Variants in DHRS11 observed in about 807,000 individuals in gnomAD.
The protein encoded by DHRS11 is dehydrogenase/reductase 11, also known as dehydrogenase/reductase SDR family member 11.
In DHRS11, 18 loss-of-function variants were observed where a neutral mutation model predicts 30.7. That is an observed-to-expected ratio of 0.59 (90% CI 0.41 to 0.87). The LOEUF is 0.87. Ranked by LOEUF, DHRS11 falls within the 40% of genes least tolerant of loss-of-function variation. The pLI is 0.00. For missense variants in DHRS11, 300 were observed against 349.0 expected (o/e 0.86, Z 1.12); for synonymous variants, 123 against 139.6 (o/e 0.88, Z 0.84).
rs375204933 is a variant in DHRS11, at chr17:36,600,187, C to T, written c.767C>T (p.Thr256Met). 6.8e-6 allele frequency: 11 copies of T among 1,613,984 alleles called. No homozygotes were observed. The highest frequency in any genetic ancestry group is 4.5e-5 in the East Asian group (2 of 44,886). Residue 256 changes from threonine to methionine, a missense_variant, in exon 7 of 7, where the codon ACG becomes ATG. Transcript: ENST00000618403. ...IQIGDIQMRP[T>M]EQVT is the part of the protein sequence containing the mutation. ...ATTGGAGACATCCAGATGAGGCCCA[C>T]GGAGCAGGTGACCTAGTGACTGTGG...
chr17:36,592,137 G>C lies in DHRS11; in HGVS notation c.128G>C (p.Arg43Pro), dbSNP rs973899759. The C allele has an allele frequency of 1.6e-6, 2 of 1,282,114 alleles. No homozygotes were observed. Among genetic ancestry groups the C allele is most frequent in the Non-Finnish European group, 2.0e-6 (2 of 1,013,914 alleles). The allele number at this position is 1,282,114 out of a possible 1,614,324, so 79.4% of individuals were successfully genotyped here. A position where few individuals can be genotyped will look rare whatever the true frequency, so the allele number is the denominator to read the frequency against. Residue 43 changes from arginine (R) to proline (P), a missense_variant, in exon 1 of 7, where the codon CGC (arginine) becomes CCC (proline). Physicochemically the swap from Arg to Pro is moderately radical, Grantham distance 103. Coordinates refer to ENST00000618403, the MANE Select transcript of DHRS11 (RefSeq NM_024308.4). This position sits in a 1 kb window ranked among gnomAD's most constrained non-coding sequence, Gnocchi z 4.4. The part of the protein sequence containing the change: ...QQGLKVVGCA[R>P]TVGNIEELAA... ...GGACTGAAGGTGGTGGGCTGCGCCCGCACTGTGGGCAACATCGAGGTGAGG... is the reference window on the plus strand; with the variant it reads ...GGACTGAAGGTGGTGGGCTGCGCCCCCACTGTGGGCAACATCGAGGTGAGG...
chr17:36,593,206 C>G (rs973276802), intron 1 of DHRS11, among the ~76,000 whole-genome samples: 5 of 152,208 alleles, frequency 3.3e-5, no homozygotes, highest in Non-Finnish European at 7.3e-5. Context: ...CACCTACTCC[C>G]CTACCGCAAG....
Position 36,592,023 on chromosome 17 carries a change from G to T in DHRS11, c.14G>T (p.Gly5Val), listed in dbSNP as rs1035389052. Reference protein sequence around the residue: MARPGMERWRDRLAL... With the variant: MARPVMERWRDRLAL... Reference sequence around the variant, plus strand: ...CGGCGTGGGCCCATGGCCAGGCCCGGCATGGAGCGGTGGCGCGACCGGCTG... The same window carrying T: ...CGGCGTGGGCCCATGGCCAGGCCCGTCATGGAGCGGTGGCGCGACCGGCTG... Residue 5 changes from glycine (G) to valine (V), a missense_variant, in exon 1 of 7, where the codon GGC (glycine) becomes GTC (valine). Physicochemically the swap from Gly to Val is moderately radical, Grantham distance 109 (BLOSUM62 -3). Coordinates refer to ENST00000618403, the MANE Select transcript of DHRS11 (RefSeq NM_024308.4). The surrounding 1 kb of genome is among the most constrained non-coding windows in gnomAD (Gnocchi z 4.4). 2.1e-5 allele frequency: 26 copies of T among 1,229,620 alleles called. No individual in the cohort carries two copies. The highest frequency in any genetic ancestry group is 2.5e-5 in the Non-Finnish European group (25 of 986,270). The allele number at this position is 1,229,620 out of a possible 1,614,324, so 76.2% of individuals were successfully genotyped here. A position where few individuals can be genotyped will look rare whatever the true frequency, so the allele number is the denominator to read the frequency against.
In DHRS11 at chr17:36,599,659, C is replaced by T. The variant is rs372098210; in HGVS notation, c.583-12C>T. The stretch of plus-strand genomic sequence containing the variant: ...AGCTCAGCCCCTGAGAAGGCCCTCT[C>T]TGTTGGCCCAGTGCATCTCTCCAGG... On this transcript the variant is annotated splice_polypyrimidine_tract_variant and intron_variant, in intron 4 of 6. Transcript: ENST00000618403. The T allele has an allele frequency of 5.2e-5, 84 of 1,614,166 alleles. No homozygotes were observed. In the African/African-American group the frequency reaches 1.1e-3, roughly 20 times the overall value.
chr17:36,594,849 C>T, intron 1 of DHRS11, 122 bp from the exon 2 acceptor site: 1 of 1,018,792 alleles, frequency 9.8e-7, no homozygotes, highest in Non-Finnish European at 1.5e-6. Context: ...ATCTTCGTGG[C>T]TGAAAGTCAG....
Position 36,592,599 on chromosome 17 carries a change from G to T in DHRS11, c.147+443G>T, listed in dbSNP as rs542689650. ...AGCTTTACTGAAGAGCCTCAGCCCC[G>T]CCCCCTCACCTCGGGGGTAACTCAT... On this transcript the variant is annotated intron_variant, in intron 1 of 6. Transcript: ENST00000618403. This position sits in a 1 kb window ranked among gnomAD's most constrained non-coding sequence, Gnocchi z 4.4. Among the ~76,000 whole-genome samples the T allele has an allele frequency of 3.3e-5, 5 of 152,292 alleles. No individual in the cohort carries two copies. In the South Asian group the frequency reaches 1.0e-3, roughly 32 times the overall value.
Position 36,600,518 on chromosome 17 carries a change from C to T in DHRS11, c.*315C>T. On this transcript the variant is annotated 3_prime_UTR_variant, in exon 7 of 7. Transcript: ENST00000618403. The stretch of plus-strand genomic sequence containing the variant: ...ATGGGAAAGGAGTTGTGGCCAAAAT[C>T]CCCATCTTCTTGCACCTCAACGTCT... The T allele has an allele frequency of 3.8e-6, 2 of 531,828 alleles. No homozygotes were observed. The highest frequency in any genetic ancestry group is 4.4e-5 in the South Asian group (2 of 45,856). 32.9% of individuals were successfully genotyped at this position (531,828 alleles called of 1,614,324 possible). A position where few individuals can be genotyped will look rare whatever the true frequency, so the allele number is the denominator to read the frequency against.
intron 3 of DHRS11, chr17:36,598,612 T>C (rs773416495): frequency 1.4e-4 from 70 of 504,008 alleles, no homozygotes; most frequent in Non-Finnish European, 2.2e-4. Flanking sequence ...TCTGCCTGCC[T>C]TGAGATGTCC....
intron 2 of DHRS11, chr17:36,597,085 G>C (rs1486830172): frequency 3.4e-6 from 1 of 293,940 alleles, no homozygotes; most frequent in African/African-American, 2.2e-5. Context: ...CCCTAGACCT[G>C]GGAGATTTAC....
intron 3 of DHRS11, 160 bp from the exon 4 acceptor site, chr17:36,598,761 C>A: frequency 1.0e-6 from 1 of 969,214 alleles, no homozygotes; most frequent in Non-Finnish European, 1.5e-6. Flanking sequence ...TTTGAATAAC[C>A]AAAATTAGAT....
intron 2 of DHRS11, chr17:36,596,591 C>G (rs922497784): frequency 1.2e-5 from 4 of 335,744 alleles, no homozygotes; most frequent in African/African-American, 8.6e-5. Context: ...GGCTTGATCC[C>G]ATAAGCACTG....
At chr17:36,598,069 C>A (rs892220191) in intron 2 of DHRS11, 94 bp from the exon 3 acceptor site, 11 of 1,299,120 alleles carry the variant, frequency 8.5e-6, no homozygotes, top group Non-Finnish European at 1.2e-5. Flanking sequence ...TTTGGAATGC[C>A]ACACTGCCCC....
At position 36,600,457 on chromosome 17, in the gene DHRS11, T is replaced by C. The variant is rs1567843989; in HGVS notation, c.*254T>C. On this transcript the variant is annotated 3_prime_UTR_variant, in exon 7 of 7. Transcript: ENST00000618403. ...AACTTGTTCTTGTGCCCCTGGGCAC[T>C]TGGCCTTTGTCTGCTCTCAGTGTCT... The C allele has an allele frequency of 8.4e-6, 5 of 593,528 alleles. No homozygotes were observed. Among genetic ancestry groups the C allele is most frequent in the Non-Finnish European group, 1.5e-5 (5 of 334,896 alleles). 36.8% of individuals were successfully genotyped at this position (593,528 alleles called of 1,614,324 possible).
chr17:36,595,169 G>A lies in DHRS11; in HGVS notation c.346G>A (p.Asp116Asn). ...CTCAGGCAGCACCAGTGGTTGGAAG[G>A]ACATGTTCAATGTAAGAGCTCCAAG... ...LLSGSTSGWK[D>N]MFNVNVLALS... Residue 116 changes from aspartate (D) to asparagine (N), a missense_variant, in exon 2 of 7, where the codon GAC (aspartate) becomes AAC (asparagine). Asp to Asn is a conservative substitution (Grantham distance 23). Transcript: ENST00000618403. The A allele has an allele frequency of 6.2e-7, 1 of 1,613,512 alleles. No homozygotes were observed. Among genetic ancestry groups the A allele is most frequent in the South Asian group, 1.1e-5 (1 of 91,040 alleles).
At chr17:36,596,787 G>T (rs1247880592) in intron 2 of DHRS11, 1 of 470,940 alleles carries the variant, frequency 2.1e-6, no homozygotes, top group Non-Finnish European at 4.4e-6. Context: ...TGTGAATGGG[G>T]TGTTCTTTTC....
Position 36,598,932 on chromosome 17 carries a change from A to C in DHRS11, c.464A>C (p.His155Pro). The C allele has an allele frequency of 6.2e-7, 1 of 1,612,682 alleles. No individual in the cohort carries two copies. Among genetic ancestry groups the C allele is most frequent in the East Asian group, 2.2e-5 (1 of 44,844 alleles). The change falls in exon 4 of 7, where the codon CAC (histidine) becomes CCC (proline). Residue 155 changes from histidine (H) to proline (P), a missense_variant. Coordinates refer to ENST00000618403, the MANE Select transcript of DHRS11 (RefSeq NM_024308.4). ...HIININSMSG[H>P]RVLPLSVTHF... Reference sequence around the variant, plus strand: ...CTCTCCCCACCCAGCATGTCTGGCCACCGAGTGTTACCCCTGTCTGTGACC... The same window carrying C: ...CTCTCCCCACCCAGCATGTCTGGCCCCCGAGTGTTACCCCTGTCTGTGACC...
chr17:36,594,056 C>CA (rs2074789481), intron 1 of DHRS11, among the ~76,000 whole-genome samples: 1 of 152,316 alleles, frequency 6.6e-6, no homozygotes, highest in East Asian at 1.9e-4. Flanking sequence ...TGAGAAACCT[C>CA]AGAGGGGAGG....
In DHRS11 at chr17:36,592,074, G is replaced by A. The variant is rs1212608354; in HGVS notation, c.65G>A (p.Gly22Asp). Residue 22 changes from glycine (G) to aspartate (D), a missense_variant, in exon 1 of 7, where the codon GGC (glycine) becomes GAC (aspartate). By Grantham distance (94) the Gly-to-Asp change is moderately conservative. Coordinates refer to ENST00000618403, the MANE Select transcript of DHRS11 (RefSeq NM_024308.4). This position sits in a 1 kb window ranked among gnomAD's most constrained non-coding sequence, Gnocchi z 4.4. ...GCGCTGGTGACGGGGGCCTCGGGGG[G>A]CATCGGCGCGGCCGTGGCCCGGGCC... ...RLALVTGASG[G>D]IGAAVARALV... The A allele has an allele frequency of 5.6e-6, 7 of 1,240,904 alleles. No individual in the cohort carries two copies. The highest frequency in any genetic ancestry group is 7.1e-6 in the Non-Finnish European group (7 of 991,976). The allele number at this position is 1,240,904 out of a possible 1,614,324, so 76.9% of individuals were successfully genotyped here.
Position 36,599,759 on chromosome 17 carries a change from T to C in DHRS11, c.671T>C (p.Met224Thr). ...PEKAAATYEQ[M>T]KCLKPEDVAE... ...AAGGCAGCTGCCACCTATGAGCAAA[T>C]GAAGGTGGGGCCTCCCTCTGAGCCT... is the stretch of plus-strand genomic sequence containing the variant. The change falls in exon 5 of 7, where the codon ATG becomes ACG. Residue 224 changes from methionine to threonine, a missense_variant. Met to Thr is a moderately conservative substitution (Grantham distance 81). Coordinates refer to ENST00000618403, the MANE Select transcript of DHRS11 (RefSeq NM_024308.4). The C allele has an allele frequency of 4.3e-6, 7 of 1,614,014 alleles. No homozygotes were observed. The highest frequency in any genetic ancestry group is 5.1e-6 in the Non-Finnish European group (6 of 1,179,982).
Sources: allele counts gnomAD v4.1 joint callset (sites outside exome capture counted in the v4.1 genomes callset), GRCh38; gene constraint gnomAD v4.1.1; non-coding constraint Gnocchi (gnomAD v3.1); transcripts MANE v1.5; gene names NCBI Gene and HGNC (gene_info 2026-07-23, HGNC 2026-07-21).